Variants in MAMLD1 observed in about 807,000 individuals in gnomAD.
The protein encoded by MAMLD1 is mastermind-like domain-containing protein 1.
A neutral mutation model predicts 45.0 loss-of-function variants in MAMLD1; 14 were observed. That is an observed-to-expected ratio of 0.31 (90% CI 0.21 to 0.49). MAMLD1 has a LOEUF of 0.49. MAMLD1 is among the 20% of genes least tolerant of loss of function. The probability of loss-of-function intolerance (pLI) is 0.99; values close to 1 mark genes in which losing one functional copy is unlikely to be tolerated. For synonymous variants in MAMLD1, 254 were observed against 247.8 expected (o/e 1.02, Z -0.24); for missense variants, 543 against 603.6 (o/e 0.90, Z 1.05).
At chrX:150,410,618 A>T (rs1353724070) in intron 1 of MAMLD1, among the ~76,000 whole-genome samples, 1 of 112,738 alleles carries the variant, frequency 8.9e-6, no homozygotes, top group African/African-American at 3.2e-5. Flanking sequence ...TAACATCGGT[A>T]GGGCTTACCA....
chrX:150,448,357 G>A (rs182720208), intron 2 of MAMLD1, among the ~76,000 whole-genome samples: 628 of 112,078 alleles, frequency 5.6e-3, no homozygotes, highest in Non-Finnish European at 9.6e-3. Flanking sequence ...TTATCTCCAG[G>A]AAACCGAGAC....
chrX:150,504,589 G>T (rs1377508146), intron 6 of MAMLD1: 22 of 531,851 alleles, frequency 4.1e-5, no homozygotes, highest in Non-Finnish European at 5.0e-5. Flanking sequence ...CAGGGAAACA[G>T]AATTAGCAAA....
chrX:150,418,925 G>A (rs1557403284), intron 1 of MAMLD1, among the ~76,000 whole-genome samples: 6 of 87,684 alleles, frequency 6.8e-5, no homozygotes, highest in African/African-American at 2.1e-4. Context: ...TTGATTTGGG[G>A]TGGAGAGTTC....
intron 5 of MAMLD1, among the ~76,000 whole-genome samples, chrX:150,487,669 C>T (rs2037038864): frequency 8.9e-6 from 1 of 111,964 alleles, no homozygotes; most frequent in African/African-American, 3.3e-5. Flanking sequence ...CTCACCTGGC[C>T]AACATCTATT....
At chrX:150,435,835 T>C (rs2035107121) in intron 1 of MAMLD1, among the ~76,000 whole-genome samples, 1 of 112,602 alleles carries the variant, frequency 8.9e-6, no homozygotes, top group Non-Finnish European at 1.9e-5. Flanking sequence ...TTAAGAGTGC[T>C]TTTGTAATGG....
chrX:150,372,392 T>C (rs1181692314), intron 1 of MAMLD1, among the ~76,000 whole-genome samples: 1 of 111,370 alleles, frequency 9.0e-6, no homozygotes, highest in Non-Finnish European at 1.9e-5. Context: ...GATCTCAGTG[T>C]TAATATCTGC....
intron 1 of MAMLD1, among the ~76,000 whole-genome samples, chrX:150,368,024 G>C (rs1447988789): frequency 1.8e-5 from 2 of 111,005 alleles, no homozygotes; most frequent in Non-Finnish European, 3.8e-5. Context: ...AAACATACGT[G>C]TGCATGTGTC....
intron 5 of MAMLD1, 25 bp from the exon 6 acceptor site, chrX:150,503,249 T>C (rs1557408629): frequency 1.7e-6 from 2 of 1,195,204 alleles, no homozygotes; most frequent in Non-Finnish European, 2.3e-6. Flanking sequence ...AAGCAGCTGA[T>C]GGATTGTTCA....
intron 5 of MAMLD1, among the ~76,000 whole-genome samples, chrX:150,486,652 C>T (rs782089337): frequency 4.5e-5 from 5 of 111,959 alleles, no homozygotes; most frequent in African/African-American, 1.3e-4. Flanking sequence ...CCTATTTACC[C>T]CTTTCCCAAA....
In MAMLD1 at chrX:150,458,711, C is replaced by T. The variant is rs181075290; in HGVS notation, c.97-4061C>T. Among the ~76,000 whole-genome samples the T allele has an allele frequency of 2.8e-3, 314 of 111,737 alleles. 1 individual carries two copies. Among genetic ancestry groups the T allele is most frequent in the African/African-American group, 9.7e-3 (299 of 30,730 alleles). ...GTATACAGTGTGATGATTTGATATACATATATATTGTGAAATGATTACCAC... is the reference window on the plus strand; with the variant it reads ...GTATACAGTGTGATGATTTGATATATATATATATTGTGAAATGATTACCAC... On this transcript the variant is annotated intron_variant, in intron 2 of 7. Coordinates refer to ENST00000370401, the MANE Select transcript of MAMLD1 (RefSeq NM_005491.5).
At chrX:150,492,483 T>C (rs1557407989) in intron 5 of MAMLD1, among the ~76,000 whole-genome samples, 1 of 112,740 alleles carries the variant, frequency 8.9e-6, no homozygotes, top group Non-Finnish European at 1.9e-5. Context: ...ATACTCTGCC[T>C]TCCATCCTTC....
At chrX:150,447,510 G>T (rs1405819719) in intron 2 of MAMLD1, among the ~76,000 whole-genome samples, 2 of 112,010 alleles carry the variant, frequency 1.8e-5, no homozygotes, top group African/African-American at 6.5e-5. Context: ...CGTGACAGGT[G>T]CTGCTGTACG....
chrX:150,504,671 C>T (rs1479087785), intron 6 of MAMLD1: 66 of 740,186 alleles, frequency 8.9e-5, no homozygotes, highest in Admixed American at 3.5e-4. Context: ...CTTTGGAAGC[C>T]ACAGATGAAA....
Position 150,471,024 on chromosome X carries a change from C to T in MAMLD1, c.1451C>T (p.Thr484Ile). 8.3e-7 allele frequency: 1 copy of T among 1,212,003 alleles called. No homozygotes were observed. Among genetic ancestry groups the T allele is most frequent in the Middle Eastern group, 2.3e-4 (1 of 4,356 alleles). ...CAGTGTTCCCTGATCCGAAGCCTCA[C>T]TCCCACCAGTAATCTTCTAAGCCAG... Reference protein sequence around the residue: ...TPQCSLIRSLTPTSNLLSQQQ... With the variant: ...TPQCSLIRSLIPTSNLLSQQQ... Residue 484 changes from threonine (T) to isoleucine (I), a missense_variant, in exon 4 of 8, where the codon ACT becomes ATT. Thr to Ile is a moderately conservative substitution (Grantham distance 89). Coordinates refer to ENST00000370401, the MANE Select transcript of MAMLD1 (RefSeq NM_005491.5).
intron 1 of MAMLD1, among the ~76,000 whole-genome samples, chrX:150,377,969 A>C (rs1250966872): frequency 2.7e-5 from 3 of 111,865 alleles, no homozygotes; most frequent in South Asian, 3.7e-4. Context: ...GCATAAGCAC[A>C]TATTGATCAA....
In MAMLD1 at chrX:150,470,176, G is replaced by A. The variant is rs782600433; in HGVS notation, c.603G>A (p.Gly201=). Residue 201 remains glycine, a synonymous_variant, in exon 4 of 8, where the codon GGG becomes GGA. Transcript: ENST00000370401. ...AGCTAGATCTTGAGAAGATACTGGG[G>A]ACGAAGCCAGAAGAGCCACTGGTTT... ...PNELDLEKIL[G]TKPEEPLVLD... is the part of the protein sequence containing the mutation. The A allele has an allele frequency of 8.3e-7, 1 of 1,209,925 alleles. No homozygotes were observed. Among genetic ancestry groups the A allele is most frequent in the African/African-American group, 1.8e-5 (1 of 57,057 alleles).
Position 150,503,410 on chromosome X carries a change from G to A in MAMLD1, c.2177G>A (p.Arg726Gln), listed in dbSNP as rs782315281. 13 of 1,210,900 alleles carry A rather than the reference G, an allele frequency of 1.1e-5. No individual in the cohort carries two copies. The highest frequency in any genetic ancestry group is 1.5e-5 in the Non-Finnish European group (13 of 895,331). The change falls in exon 6 of 8, where the codon CGA becomes CAA. Residue 726 changes from arginine (R) to glutamine (Q), a missense_variant. Coordinates refer to ENST00000370401, the MANE Select transcript of MAMLD1 (RefSeq NM_005491.5). The stretch of plus-strand genomic sequence containing the variant: ...AGCTCCTTTGCTCATGAGCTGGCCC[G>A]AGTCACCTCCTCGTACAGCACCTCA... ...PGSSFAHELA[R>Q]VTSSYSTSEA...
At chrX:150,431,331 G>A (rs1219258135) in intron 1 of MAMLD1, among the ~76,000 whole-genome samples, 2 of 110,536 alleles carry the variant, frequency 1.8e-5, no homozygotes, top group African/African-American at 6.6e-5. Context: ...TTTCTCTGTA[G>A]ATACTTTGAG....
At chrX:150,482,027 AG>A (rs1307087035) in intron 5 of MAMLD1, among the ~76,000 whole-genome samples, 1 of 107,332 alleles carries the variant, frequency 9.3e-6, no homozygotes, top group African/African-American at 3.4e-5. Context: ...AAAGAAAGAA[AG>A]AAAGAATTGA....
Sources: allele counts gnomAD v4.1 joint callset (sites outside exome capture counted in the v4.1 genomes callset), GRCh38; gene constraint gnomAD v4.1.1; transcripts MANE v1.5; gene names NCBI Gene and HGNC (gene_info 2026-07-23, HGNC 2026-07-21).